HMGB1: variants seen among roughly 807,000 people sequenced by gnomAD.
HMGB1 encodes the protein high mobility group protein B1.
For synonymous variants in HMGB1, 81 were observed against 84.0 expected (o/e 0.96, Z 0.19); for missense variants, 79 against 253.5 (o/e 0.31, Z 4.67).
At chr13:30,481,287 T>C (rs1340631965) in intron 1 of HMGB1, among the ~76,000 whole-genome samples, 2 of 147,488 alleles carry the variant, frequency 1.4e-5, no homozygotes, top group African/African-American at 5.0e-5. Context: ...CAGATGAGAT[T>C]AGAAGAAGAT....
At chr13:30,514,467 G>C (rs1299208685) in intron 1 of HMGB1, among the ~76,000 whole-genome samples, 1 of 151,138 alleles carries the variant, frequency 6.6e-6, no homozygotes, top group African/African-American at 2.4e-5. Flanking sequence ...AGGACTACAG[G>C]CATGTGCCAC....
chr13:30,552,820 A>G (rs913535030), intron 1 of HMGB1, among the ~76,000 whole-genome samples: 8 of 150,540 alleles, frequency 5.3e-5, no homozygotes, highest in Admixed American at 2.0e-4. Flanking sequence ...TCTCAATTTC[A>G]CCTCTTATTT....
chr13:30,537,692 T>A (rs1868517825), intron 1 of HMGB1, among the ~76,000 whole-genome samples: 1 of 124,370 alleles, frequency 8.0e-6, no homozygotes, highest in South Asian at 2.4e-4. Context: ...TATATATATA[T>A]ATATAAAATT....
At chr13:30,564,359 G>A (rs1443086551) in intron 1 of HMGB1, among the ~76,000 whole-genome samples, 2 of 151,756 alleles carry the variant, frequency 1.3e-5, no homozygotes, top group Non-Finnish European at 2.9e-5. Flanking sequence ...AGGCTGACTC[G>A]GGAGGCTGAG....
chr13:30,463,178 TG>T (rs1255635291), intron 3 of HMGB1, 28 bp downstream of exon 3: 8 of 1,596,290 alleles, frequency 5.0e-6, no homozygotes, highest in Middle Eastern at 2.3e-4. Flanking sequence ...AAAACGTGTC[TG>T]GGAAGTAAAA....
At chr13:30,519,925 T>C (rs1245599346) in intron 1 of HMGB1, among the ~76,000 whole-genome samples, 1 of 152,234 alleles carries the variant, frequency 6.6e-6, no homozygotes, top group Non-Finnish European at 1.5e-5. Flanking sequence ...TTTATACTTT[T>C]TGAAATTGCT....
At chr13:30,499,194 C>T (rs757266800) in intron 1 of HMGB1, among the ~76,000 whole-genome samples, 85 of 152,244 alleles carry the variant, frequency 5.6e-4, no homozygotes, top group Non-Finnish European at 1.1e-3. Context: ...CTCAGGTGAT[C>T]CACCCGCCTC....
chr13:30,581,208 A>G (rs1330644677), intron 1 of HMGB1, among the ~76,000 whole-genome samples: 1 of 152,248 alleles, frequency 6.6e-6, no homozygotes, highest in Non-Finnish European at 1.5e-5. Context: ...AGTGATTCTT[A>G]TAACTTAGAT....
At chr13:30,498,628 T>A (rs954995146) in intron 1 of HMGB1, among the ~76,000 whole-genome samples, 1 of 50,700 alleles carries the variant, frequency 2.0e-5, no homozygotes, top group Admixed American at 2.9e-4. Context: ...AATCAGCAAA[T>A]TATTATTATT....
intron 1 of HMGB1, among the ~76,000 whole-genome samples, chr13:30,537,027 T>A (rs961404265): frequency 3.3e-5 from 5 of 152,242 alleles, no homozygotes; most frequent in African/African-American, 7.2e-5. Flanking sequence ...ATTTGTGATG[T>A]CTTCTAGAAA....
intron 1 of HMGB1, among the ~76,000 whole-genome samples, chr13:30,480,683 C>T (rs1051389808): frequency 5.3e-5 from 8 of 152,114 alleles, no homozygotes; most frequent in African/African-American, 1.9e-4. Context: ...ATGTCGGTCG[C>T]TCTCACGCAG....
intron 1 of HMGB1, among the ~76,000 whole-genome samples, chr13:30,578,807 G>A (rs529222768): frequency 1.1e-4 from 16 of 152,282 alleles, no homozygotes; most frequent in South Asian, 2.1e-4. Context: ...CAAGTTCAAC[G>A]CTTTCAAACC....
intron 1 of HMGB1, chr13:30,542,054 A>T (rs1268853150): frequency 6.5e-6 from 1 of 153,064 alleles, no homozygotes; most frequent in Admixed American, 6.6e-5. Flanking sequence ...TTAGCTTCTG[A>T]ACTTTCCATG....
intron 1 of HMGB1, among the ~76,000 whole-genome samples, chr13:30,497,725 A>G (rs1887642329): frequency 6.6e-6 from 1 of 152,112 alleles, no homozygotes; most frequent in African/African-American, 2.4e-5. Flanking sequence ...CTGTTCCTGC[A>G]TTAGTTCCCT....
At chr13:30,504,363 T>C (rs997229329) in intron 1 of HMGB1, among the ~76,000 whole-genome samples, 2 of 152,252 alleles carry the variant, frequency 1.3e-5, no homozygotes, top group African/African-American at 4.8e-5. Context: ...TAATCTTTCA[T>C]ATCTGAAATT....
chr13:30,480,336 T>C (rs1007861348), intron 1 of HMGB1, among the ~76,000 whole-genome samples: 2 of 152,270 alleles, frequency 1.3e-5, no homozygotes, highest in Non-Finnish European at 2.9e-5. Context: ...GTGTAGAATA[T>C]TCACTTTGAC....
chr13:30,577,329 G>A (rs1870700128), intron 1 of HMGB1, among the ~76,000 whole-genome samples: 1 of 137,612 alleles, frequency 7.3e-6, no homozygotes. Context: ...GACAGCATGA[G>A]ACCCAGTCTC....
intron 1 of HMGB1, among the ~76,000 whole-genome samples, chr13:30,595,678 G>A (rs368116958): frequency 6.6e-6 from 1 of 152,138 alleles, no homozygotes; most frequent in Non-Finnish European, 1.5e-5. Flanking sequence ...ATCCTTTGAG[G>A]GCTCTGAGGG....
intron 4 of HMGB1, 90 bp from the exon 5 acceptor site, chr13:30,461,623 A>T (rs1488168744): frequency 6.3e-7 from 1 of 1,581,290 alleles, no homozygotes; most frequent in Non-Finnish European, 8.6e-7. Context: ...GAAAGAAATC[A>T]AGATTCTAGT....
Sources: allele counts gnomAD v4.1 joint callset (sites outside exome capture counted in the v4.1 genomes callset), GRCh38; gene constraint gnomAD v4.1.1; transcripts MANE v1.5; gene names NCBI Gene and HGNC (gene_info 2026-07-23, HGNC 2026-07-21).